The following GET4 variants were observed in gnomAD, a reference collection of about 807,000 sequenced individuals.
The protein encoded by GET4 is Golgi to ER traffic protein 4 homolog.
A neutral mutation model predicts 40.0 loss-of-function variants in GET4; 20 were observed. The ratio of observed to expected loss-of-function variants is 0.50; its 90% CI spans 0.35 to 0.73. GET4 has a LOEUF of 0.73. Ranked by LOEUF, GET4 falls within the 30% of genes least tolerant of loss-of-function variation. The pLI is 0.01. For synonymous variants in GET4, 280 were observed against 194.6 expected, an observed-to-expected ratio of 1.44 and a Z score of -3.65; for missense variants, 557 against 454.0, an observed-to-expected ratio of 1.23 and a Z score of -2.06.
At chr7:887,587 C>A (rs1283201554) in intron 4 of GET4, 68 bp downstream of exon 4, 26 of 1,246,946 alleles carry the variant, frequency 2.1e-5, no homozygotes, top group Non-Finnish European at 2.8e-5. Flanking sequence ...CTGTGCGTTC[C>A]AATACATCAG....
At chr7:884,381 G>A in intron 1 of GET4, 1 of 1,298,786 alleles carries the variant, frequency 7.7e-7, no homozygotes, top group Non-Finnish European at 1.0e-6. Context: ...CGAGGCTCCT[G>A]CTGTGGTGTT....
chr7:886,031 G>C lies in GET4; in HGVS notation c.156-25G>C, dbSNP rs776634319. 9.5e-6 allele frequency: 14 copies of C among 1,479,692 alleles called. No homozygotes were observed. The Admixed American group carries it at 2.2e-4, about 23-fold the overall frequency. 91.7% of individuals were successfully genotyped at this position (1,479,692 alleles called of 1,614,324 possible). ...GCGGTGGCGAGGGCACGTGGGCGTG[G>C]CTCACGGTCTCCTCTCTGTGGCAGG... On this transcript the variant is annotated intron_variant, in intron 1 of 8. Transcript: ENST00000265857.
chr7:895,232 A>ATGGGACAC (rs1844451075), intron 8 of GET4, 102 bp from the exon 9 acceptor site: 3 of 636,522 alleles, frequency 4.7e-6, no homozygotes, highest in African/African-American at 1.9e-5. Context: ...TGCTTGTTCC[A>ATGGGACAC]TGGGACACTG....
rs746415725 is a variant in GET4 at position 892,389 on chromosome 7, C to T, written c.717C>T (p.Phe239=). 90 of 1,592,230 alleles carry T rather than the reference C, an allele frequency of 5.7e-5. No homozygotes were observed. Among genetic ancestry groups the T allele is most frequent in the Non-Finnish European group, 7.0e-5 (81 of 1,162,262 alleles). The change falls in exon 6 of 9, where the codon TTC becomes TTT. Residue 239 remains phenylalanine (F), a synonymous_variant. Coordinates refer to ENST00000265857, the MANE Select transcript of GET4 (RefSeq NM_015949.3). ...GPPFVEPLLN[F]IWFLLLAVDG... ...CGTTTGTGGAGCCGCTGCTTAACTT[C>T]ATCTGGTTCCTGCTGCTGGCTGTGG...
chr7:884,053 T>G (rs981592331), intron 1 of GET4: 83 of 1,172,594 alleles, frequency 7.1e-5, no homozygotes, highest in Non-Finnish European at 8.6e-5. Context: ...AGGCTCCTCG[T>G]GCAGGAATAT....
chr7:888,388 A>C (rs1844238206), intron 4 of GET4, among the ~76,000 whole-genome samples: 1 of 151,912 alleles, frequency 6.6e-6, no homozygotes, highest in African/African-American at 2.4e-5. Context: ...TGCCCATCCG[A>C]CCTCCGACCT....
Position 892,325 on chromosome 7 carries a change from C to T in GET4, c.653C>T (p.Thr218Met), listed in dbSNP as rs1484935592. Residue 218 changes from threonine to methionine, a missense_variant, in exon 6 of 9, where the codon ACG (threonine) becomes ATG (methionine). Thr to Met is a moderately conservative substitution (Grantham distance 81). Coordinates refer to ENST00000265857, the MANE Select transcript of GET4 (RefSeq NM_015949.3). ...AGTAGCGCATCGGTGGTCTTCACGA[C>T]GTACACCCAGAAGCACCCGTCCATC... ...NKSSASVVFT[T>M]YTQKHPSIED... 2.5e-6 allele frequency: 4 copies of T among 1,595,784 alleles called. No individual in the cohort carries two copies. The highest frequency in any genetic ancestry group is 1.7e-5 in the Admixed American group (1 of 59,804).
chr7:878,948 C>A (rs1006319013), intron 1 of GET4, among the ~76,000 whole-genome samples: 2 of 145,284 alleles, frequency 1.4e-5, no homozygotes, highest in Non-Finnish European at 3.0e-5. Flanking sequence ...CTGAATTCCC[C>A]CTTTGGACAG....
rs974503405 is a variant in GET4 at position 876,623 on chromosome 7, G to A, written c.-23G>A. On this transcript the variant is annotated 5_prime_UTR_variant, in exon 1 of 9. Transcript: ENST00000265857. ...GCCGACCGCGCCTGCGACAGCGTCAGCCCTGCGCGGAGCGCCGGCCCGATG... is the reference window on the plus strand; with the variant it reads ...GCCGACCGCGCCTGCGACAGCGTCAACCCTGCGCGGAGCGCCGGCCCGATG... 1.6e-6 allele frequency: 2 copies of A among 1,221,884 alleles called. No homozygotes were observed. The highest frequency in any genetic ancestry group is 2.9e-5 in the South Asian group (1 of 34,130). 75.7% of individuals were successfully genotyped at this position (1,221,884 alleles called of 1,614,324 possible). A position where few individuals can be genotyped will look rare whatever the true frequency, so the allele number is the denominator to read the frequency against.
intron 1 of GET4, chr7:878,112 G>C: frequency 3.0e-6 from 1 of 334,934 alleles, no homozygotes; most frequent in Non-Finnish European, 6.2e-6. Flanking sequence ...CGAGTCAGCC[G>C]CCTCTGGACC....
At chr7:892,532 C>G in intron 6 of GET4, 114 bp downstream of exon 6, 1 of 1,142,924 alleles carries the variant, frequency 8.7e-7, no homozygotes, top group Non-Finnish European at 1.3e-6. Flanking sequence ...TGTGGGTAGC[C>G]GTGTGGGTAT....
intron 1 of GET4, chr7:883,961 G>A: frequency 2.0e-5 from 21 of 1,068,912 alleles, no homozygotes; most frequent in Non-Finnish European, 2.4e-5. Flanking sequence ...GCTCCCAGCT[G>A]CCCAGGGAAG....
At position 876,568 on chromosome 7, in the gene GET4, C is replaced by CGGCCGTCGGGA. The variant is rs1843936956; in HGVS notation, c.-77_-67dup. Reference sequence around the variant, plus strand: ...CGGGCCACCGTAGAAGGGCGTCGGGCGGCCGTCGGGACGGAAGCCGGGAGG... The same window carrying CGGCCGTCGGGA: ...CGGGCCACCGTAGAAGGGCGTCGGGCGGCCGTCGGGAGGCCGTCGGGACGGAAGCCGGGAGG... On this transcript the variant is annotated 5_prime_UTR_variant, in exon 1 of 9. Transcript: ENST00000265857. The CGGCCGTCGGGA allele has an allele frequency of 8.9e-7, 1 of 1,119,664 alleles. No individual in the cohort carries two copies. The highest frequency in any genetic ancestry group is 1.1e-6 in the Non-Finnish European group (1 of 911,158). 69.4% of individuals were successfully genotyped at this position (1,119,664 alleles called of 1,614,324 possible).
At chr7:893,851 C>G (rs753302737) in intron 7 of GET4, 36 bp downstream of exon 7, 1 of 1,608,404 alleles carries the variant, frequency 6.2e-7, no homozygotes, top group South Asian at 1.1e-5. Context: ...GGAGGGGACC[C>G]CACGGTCTGG....
Position 890,941 on chromosome 7 carries a change from T to A in GET4, c.480T>A (p.Cys160Ter). 1 of 1,606,152 alleles carries A rather than the reference T, an allele frequency of 6.2e-7. No individual in the cohort carries two copies. Among genetic ancestry groups the A allele is most frequent in the Non-Finnish European group, 8.5e-7 (1 of 1,172,964 alleles). ...TTTCCTTTGCAGAACAAAACTATTG[T>A]GAGTCGAGGTATCATTTTCTGCACT... ...ALTLWKEQNY[C>*]ESRYHFLHSA... The change falls in exon 5 of 9, where the codon TGT becomes TGA. Residue 160 changes from cysteine to a stop codon, truncating the protein, a stop_gained. Coordinates refer to ENST00000265857, the MANE Select transcript of GET4 (RefSeq NM_015949.3). LOFTEE classifies it high-confidence loss of function.
intron 1 of GET4, among the ~76,000 whole-genome samples, chr7:877,535 C>T (rs1843987033): frequency 1.8e-5 from 2 of 110,856 alleles, no homozygotes; most frequent in East Asian, 2.7e-4. Context: ...CCCCCAACCC[C>T]GGCTCTCTCC....
chr7:895,485 G>C lies in GET4; in HGVS notation c.*63G>C, dbSNP rs2128630454. On this transcript the variant is annotated 3_prime_UTR_variant, in exon 9 of 9. Coordinates refer to ENST00000265857, the MANE Select transcript of GET4 (RefSeq NM_015949.3). The stretch of plus-strand genomic sequence containing the variant: ...GGCTGGAGGGACGTTTCAGAGGCGA[G>C]TCCTGGGTGGCTCCTCGCCTTGGGG... 3.6e-6 allele frequency: 3 copies of C among 844,218 alleles called. No individual in the cohort carries two copies. In the East Asian group the frequency reaches 7.8e-5, roughly 22 times the overall value. 52.3% of individuals were successfully genotyped at this position (844,218 alleles called of 1,614,324 possible).
At chr7:894,179 C>A (rs548497486) in intron 8 of GET4, among the ~76,000 whole-genome samples, 1 of 151,410 alleles carries the variant, frequency 6.6e-6, no homozygotes, top group African/African-American at 2.5e-5. Flanking sequence ...CGTCTCCACT[C>A]CAGAGCTCCC....
intron 1 of GET4, chr7:882,289 A>G (rs1338484028): frequency 1.3e-5 from 2 of 152,250 alleles, no homozygotes; most frequent in African/African-American, 4.8e-5. Flanking sequence ...CACTCCCACC[A>G]GCAGGTACAA....
Sources: allele counts gnomAD v4.1 joint callset (sites outside exome capture counted in the v4.1 genomes callset), GRCh38; gene constraint gnomAD v4.1.1; transcripts MANE v1.5; gene names NCBI Gene and HGNC (gene_info 2026-07-23, HGNC 2026-07-21).